The following NEURL3 variants were observed in gnomAD, a reference collection of about 807,000 sequenced individuals.
NEURL3 encodes the protein E3 ubiquitin-protein ligase NEURL3.
In NEURL3, 19 loss-of-function variants were observed where a neutral mutation model predicts 17.6. The observed-to-expected ratio is 1.08, with a 90% CI of 0.75 to 1.58. The LOEUF (loss-of-function observed/expected upper bound fraction) is 1.58, where lower values mean the gene tolerates loss of function less well. Ranked by LOEUF, NEURL3 falls within the 40% of genes most tolerant of loss-of-function variation. The pLI is 0.00. For synonymous variants in NEURL3, 180 were observed against 161.4 expected, an observed-to-expected ratio of 1.11 and a Z score of -0.87; for missense variants, 342 against 379.6, an observed-to-expected ratio of 0.90 and a Z score of 0.82.
At chr2:96,504,877 C>CAAAAAAAA (rs1157285400) in intron 1 of NEURL3, among the ~76,000 whole-genome samples, 7 of 55,284 alleles carry the variant, frequency 1.3e-4, no homozygotes, top group East Asian at 7.8e-4. Context: ...GACTCCGTCT[C>CAAAAAAAA]AAAAAAAAAA....
Position 96,501,061 on chromosome 2 carries a change from C to A in NEURL3, c.29-137G>T, listed in dbSNP as rs543720130. On this transcript the variant is annotated intron_variant, in intron 1 of 3. Transcript: ENST00000451794. ...CCCTAGGGACCATTTCCACCTCTCT[C>A]GGTTCCTGCAGGGTTGTTATGAAAA... 2.9e-4 allele frequency: 323 copies of A among 1,097,156 alleles called. 1 individual carries two copies. The South Asian group carries it at 5.0e-3, about 17-fold the overall frequency. The allele number at this position is 1,097,156 out of a possible 1,614,324, so 68.0% of individuals were successfully genotyped here. A position where few individuals can be genotyped will look rare whatever the true frequency, so the allele number is the denominator to read the frequency against.
In NEURL3 at chr2:96,500,695, C is replaced by T. The variant is rs2065495886; in HGVS notation, c.258G>A (p.Ala86=). The T allele has an allele frequency of 6.6e-7, 1 of 1,518,290 alleles. No homozygotes were observed. Among genetic ancestry groups the T allele is most frequent in the Non-Finnish European group, 8.8e-7 (1 of 1,140,302 alleles). The allele number at this position is 1,518,290 out of a possible 1,614,324, so 94.1% of individuals were successfully genotyped here. The change falls in exon 2 of 4, where the codon GCG becomes GCA. Residue 86 remains alanine, a synonymous_variant. Coordinates refer to ENST00000451794, the MANE Select transcript of NEURL3 (RefSeq NM_001285485.2). The stretch of plus-strand genomic sequence containing the variant: ...GCGGCAGGCTGGGCACGGACACGCA[C>T]GCGGGGTCCAGGCGCGTGAAGCCCA... ...LRVGFTRLDP[A]CVSVPSLPPF...
rs138355687 is a variant in NEURL3 at position 96,498,283 on chromosome 2, C to T, written c.750G>A (p.Ala250=). 3.2e-3 allele frequency: 5,092 copies of T among 1,584,998 alleles called. 9 individuals are homozygous for T. Among genetic ancestry groups the T allele is most frequent in the Non-Finnish European group, 4.1e-3 (4,753 of 1,173,190 alleles). Residue 250 remains alanine, a synonymous_variant, in exon 4 of 4, where the codon GCG becomes GCA. Transcript: ENST00000451794. The surrounding 1 kb of genome is among the most constrained non-coding windows in gnomAD (Gnocchi z 4.4). The part of the protein sequence containing the change: ...CRWQIEAVAP[A]QGPPALRVEE... ...CAACCCTCAGAGCAGGAGGGCCCTG[C>T]GCAGGGGCTACCGCCTCTATCTGCC...
At chr2:96,501,213 G>GT (rs747305802) in intron 1 of NEURL3, among the ~76,000 whole-genome samples, 1 of 152,034 alleles carries the variant, frequency 6.6e-6, no homozygotes, top group African/African-American at 2.4e-5. Flanking sequence ...CGGTTTTTTT[G>GT]TTTGTTTTGT....
At chr2:96,502,534 G>T (rs563083019) in intron 1 of NEURL3, among the ~76,000 whole-genome samples, 27 of 152,372 alleles carry the variant, frequency 1.8e-4, no homozygotes, top group Admixed American at 1.4e-3. Context: ...GGAGTCTCAG[G>T]ACACCTGTCT....
intron 1 of NEURL3, among the ~76,000 whole-genome samples, chr2:96,503,478 G>A (rs1339881505): frequency 6.6e-6 from 1 of 152,174 alleles, no homozygotes; most frequent in Non-Finnish European, 1.5e-5. Flanking sequence ...AGCCCCCTGG[G>A]ACCTGGCAGG....
At chr2:96,503,463 C>G (rs371722827) in intron 1 of NEURL3, among the ~76,000 whole-genome samples, 1 of 152,154 alleles carries the variant, frequency 6.6e-6, no homozygotes, top group Non-Finnish European at 1.5e-5. Context: ...CCCCCTACCT[C>G]GGGCAGCCCC....
upstream of NEURL3, among the ~76,000 whole-genome samples, chr2:96,506,213 G>A (rs923238488): frequency 2.6e-5 from 4 of 151,976 alleles, no homozygotes; most frequent in Admixed American, 1.3e-4. Context: ...AAGTGGACCC[G>A]ACTTTTTTTT....
At position 96,500,683 on chromosome 2, in the gene NEURL3, C is replaced by A; in HGVS notation, c.270G>T (p.Val90=). ...FTRLDPACVS[V]PSLPPFLCPD... is the part of the protein sequence containing the mutation. ...GGCACAGGAAGGGCGGCAGGCTGGG[C>A]ACGGACACGCACGCGGGGTCCAGGC... Residue 90 remains valine, a synonymous_variant, in exon 2 of 4, where the codon GTG becomes GTT. Coordinates refer to ENST00000451794, the MANE Select transcript of NEURL3 (RefSeq NM_001285485.2). 1 of 1,517,732 alleles carries A rather than the reference C, an allele frequency of 6.6e-7. No homozygotes were observed. The highest frequency in any genetic ancestry group is 2.1e-5 in the Admixed American group (1 of 48,076). The allele number at this position is 1,517,732 out of a possible 1,614,324, so 94.0% of individuals were successfully genotyped here.
upstream of NEURL3, chr2:96,505,479 C>G (rs2065553581): frequency 8.0e-6 from 5 of 625,186 alleles, no homozygotes; most frequent in East Asian, 1.4e-4. Context: ...TTTCTCCTGA[C>G]TCGCAGACTG....
intron 2 of NEURL3, 112 bp downstream of exon 2, chr2:96,500,327 C>T (rs574190267): frequency 2.0e-6 from 3 of 1,465,132 alleles, no homozygotes; most frequent in South Asian, 2.5e-5. Context: ...TGGGCAGGGG[C>T]TGATGGAATA....
intron 1 of NEURL3, 164 bp downstream of exon 1, chr2:96,505,095 C>T (rs1032972861): frequency 1.3e-5 from 3 of 239,902 alleles, no homozygotes; most frequent in Non-Finnish European, 2.0e-5. Context: ...GACAAAGTGA[C>T]TTACCCAAGG....
chr2:96,502,058 T>G (rs1373545205), intron 1 of NEURL3, among the ~76,000 whole-genome samples: 1 of 152,140 alleles, frequency 6.6e-6, no homozygotes, highest in Non-Finnish European at 1.5e-5. Context: ...AGTGACTCTG[T>G]CCCTGACTTC....
At chr2:96,500,018 C>G (rs146159708) in intron 2 of NEURL3, 3 of 205,784 alleles carry the variant, frequency 1.5e-5, no homozygotes, top group Non-Finnish European at 2.9e-5. Context: ...TTTTCCCCCC[C>G]ACTGACTGAG....
At position 96,500,840 on chromosome 2, in the gene NEURL3, G is replaced by A; in HGVS notation, c.113C>T (p.Ala38Val). The A allele has an allele frequency of 6.5e-7, 1 of 1,532,328 alleles. No individual in the cohort carries two copies. The highest frequency in any genetic ancestry group is 8.7e-7 in the Non-Finnish European group (1 of 1,145,680). The allele number at this position is 1,532,328 out of a possible 1,614,324, so 94.9% of individuals were successfully genotyped here. The part of the protein sequence containing the change: ...QVRLDTRGCI[A>V]HRRTTFHDGI... Reference sequence around the variant, plus strand: ...GTCGTGGAACGTGGTGCGCCTGTGCGCGATGCAGCCACGCGTGTCCAGACG... The same window carrying A: ...GTCGTGGAACGTGGTGCGCCTGTGCACGATGCAGCCACGCGTGTCCAGACG... The change falls in exon 2 of 4, where the codon GCG (alanine) becomes GTG (valine). Residue 38 changes from alanine to valine, a missense_variant. Coordinates refer to ENST00000451794, the MANE Select transcript of NEURL3 (RefSeq NM_001285485.2).
chr2:96,502,193 C>T (rs955462961), intron 1 of NEURL3, among the ~76,000 whole-genome samples: 10 of 152,218 alleles, frequency 6.6e-5, no homozygotes, highest in African/African-American at 2.2e-4. Context: ...TGCGCCCCGC[C>T]CGTGCCTTCC....
chr2:96,499,031 G>T, intron 3 of NEURL3: 1 of 251,872 alleles, frequency 4.0e-6, no homozygotes, highest in Non-Finnish European at 6.3e-6. Flanking sequence ...TCCTGCCTCG[G>T]CCTCCCAAAG....
intron 2 of NEURL3, 139 bp from the exon 3 acceptor site, chr2:96,499,588 G>T: frequency 1.4e-6 from 1 of 690,576 alleles, no homozygotes; most frequent in Non-Finnish European, 2.5e-6. Flanking sequence ...CAAATTTTAA[G>T]ACCCTGTCCT....
rs779619167 is a variant in NEURL3, at chr2:96,505,328, A to T, written c.-42T>A. ...GGCACAGGTCCCCAGGTCTAGAAGG[A>T]ACTGCCTGGAGAAGGCCAGTGGACA... On this transcript the variant is annotated 5_prime_UTR_variant, in exon 1 of 4. Coordinates refer to ENST00000451794, the MANE Select transcript of NEURL3 (RefSeq NM_001285485.2). 15 of 1,597,814 alleles carry T rather than the reference A, an allele frequency of 9.4e-6. No homozygotes were observed. In the East Asian group the frequency reaches 2.9e-4, roughly 31 times the overall value.
Sources: allele counts gnomAD v4.1 joint callset (sites outside exome capture counted in the v4.1 genomes callset), GRCh38; gene constraint gnomAD v4.1.1; non-coding constraint Gnocchi (gnomAD v3.1); transcripts MANE v1.5; gene names NCBI Gene and HGNC (gene_info 2026-07-23, HGNC 2026-07-21).